NAV3: variants seen among roughly 807,000 people sequenced by gnomAD.
NAV3 encodes pore membrane and/or filament interacting like protein 1.
Under a neutral mutation model 244.7 loss-of-function variants are expected in NAV3, and 87 were observed. The observed-to-expected ratio is 0.36, with a 90% CI of 0.30 to 0.42. The LOEUF (loss-of-function observed/expected upper bound fraction) is 0.42. NAV3 is among the 20% of genes least tolerant of loss of function. NAV3 has a pLI of 1.00. For missense variants in NAV3, 2,663 were observed against 2,893.3 expected, an observed-to-expected ratio of 0.92 and a Z score of 1.83; for synonymous variants, 1,126 against 1,042.2, an observed-to-expected ratio of 1.08 and a Z score of -1.55.
intron 4 of NAV3, among the ~76,000 whole-genome samples, chr12:77,967,623 T>TA (rs1187108260): frequency 6.6e-6 from 1 of 152,174 alleles, no homozygotes; most frequent in Non-Finnish European, 1.5e-5. Flanking sequence ...TTATTTAAAA[T>TA]ATGATTACAG....
chr12:77,642,387 T>C (rs1872453196), intron 2 of NAV3, among the ~76,000 whole-genome samples: 1 of 152,136 alleles, frequency 6.6e-6, no homozygotes, highest in Admixed American at 6.6e-5. Context: ...CCACATGGGC[T>C]TTCCTGTTAT....
At chr12:78,051,386 T>C (rs1406673345) in intron 11 of NAV3, among the ~76,000 whole-genome samples, 1 of 152,216 alleles carries the variant, frequency 6.6e-6, no homozygotes, top group African/African-American at 2.4e-5. Context: ...GAGAAACACA[T>C]GTGGCTTCTG....
intron 2 of NAV3, among the ~76,000 whole-genome samples, chr12:77,735,650 TA>T (rs1003748013): frequency 3.9e-5 from 6 of 152,110 alleles, no homozygotes; most frequent in Admixed American, 6.5e-5. Context: ...ACTATGATCA[TA>T]AAAAAATGAT....
At chr12:78,072,899 T>C (rs1246919062) in intron 12 of NAV3, among the ~76,000 whole-genome samples, 1 of 129,752 alleles carries the variant, frequency 7.7e-6, no homozygotes, top group Non-Finnish European at 1.7e-5. Flanking sequence ...AATCAATAAA[T>C]GTAATCCAGC....
chr12:78,118,340 TTTA>T, intron 14 of NAV3, 43 bp downstream of exon 14: 1 of 1,545,366 alleles, frequency 6.5e-7, no homozygotes, highest in Non-Finnish European at 8.7e-7. Flanking sequence ...AGTGCTTTAC[TTTA>T]TTGTTTCCAT....
intron 20 of NAV3, chr12:78,144,936 A>C (rs1465808746): frequency 5.3e-5 from 4 of 75,576 alleles, no homozygotes; most frequent in African/African-American, 1.9e-4. Flanking sequence ...AAAAAAAAAA[A>C]AAAAAAAAAA....
chr12:77,639,391 G>A (rs151307221), intron 2 of NAV3, among the ~76,000 whole-genome samples: 172 of 152,118 alleles, frequency 1.1e-3, no homozygotes, highest in Non-Finnish European at 2.0e-3. Flanking sequence ...TTAATTTATT[G>A]AGCACATTTT....
At chr12:77,929,566 T>C (rs1249228927) in intron 1 of NAV3, among the ~76,000 whole-genome samples, 1 of 152,174 alleles carries the variant, frequency 6.6e-6, no homozygotes, top group African/African-American at 2.4e-5. Flanking sequence ...CCCACACCTT[T>C]GGTTTTCTGT....
At chr12:77,873,773 T>TATATATAGATATATAA (rs762527287) in intron 1 of NAV3, among the ~76,000 whole-genome samples, 1 of 128,624 alleles carries the variant, frequency 7.8e-6, no homozygotes, top group African/African-American at 2.9e-5. Flanking sequence ...TATATGTATA[T>TATATATAGATATATAA]AACAGCATAT....
chr12:77,960,452 C>T (rs10777593), intron 3 of NAV3, among the ~76,000 whole-genome samples: 873 of 20,876 alleles, frequency 0.042, 6 homozygotes, highest in African/African-American at 0.13. Context: ...TATATATATA[C>T]ACACACACAC....
intron 23 of NAV3, among the ~76,000 whole-genome samples, chr12:78,168,237 A>G (rs1044362737): frequency 2.6e-5 from 4 of 151,762 alleles, no homozygotes; most frequent in African/African-American, 9.7e-5. Context: ...TTTAATAGGA[A>G]TTAGGGGTAA....
In NAV3 at chr12:77,940,874, AT is replaced by A. The variant is rs369996006; in HGVS notation, c.362-196del. On this transcript the variant is annotated intron_variant, in intron 2 of 39. Coordinates refer to ENST00000397909, the MANE Select transcript of NAV3 (RefSeq NM_001024383.2). ...ATTAGCAGCAACTTCCTTCTCACTC[AT>A]TTTTTTTTTTGCCTGATTTGTGCAT... Among the ~76,000 whole-genome samples the A allele has an allele frequency of 6.4e-3, 920 of 144,386 alleles. 7 individuals carry two copies. The highest frequency in any genetic ancestry group is 0.021 in the African/African-American group (821 of 39,612). The allele number at this position is 144,386 out of a possible 152,430, so 94.7% of individuals were successfully genotyped here.
chr12:77,911,852 C>A (rs1380307752), intron 1 of NAV3, among the ~76,000 whole-genome samples: 1 of 150,694 alleles, frequency 6.6e-6, no homozygotes, highest in Non-Finnish European at 1.5e-5. Context: ...ATTCTTATAC[C>A]ACTGATCATA....
At chr12:77,775,537 A>G (rs1041311889) in intron 2 of NAV3, among the ~76,000 whole-genome samples, 7 of 152,270 alleles carry the variant, frequency 4.6e-5, no homozygotes, top group Admixed American at 2.6e-4. Flanking sequence ...TTCTGGTGTT[A>G]TCTTATCCTT....
At chr12:78,081,540 A>G (rs939658065) in intron 12 of NAV3, among the ~76,000 whole-genome samples, 10 of 152,168 alleles carry the variant, frequency 6.6e-5, no homozygotes, top group Non-Finnish European at 1.0e-4. Flanking sequence ...AGTCTCTTGC[A>G]GGCTGTCACC....
intron 1 of NAV3, among the ~76,000 whole-genome samples, chr12:77,870,018 C>T (rs1352567625): frequency 6.6e-6 from 1 of 152,008 alleles, no homozygotes; most frequent in Non-Finnish European, 1.5e-5. Flanking sequence ...ACAAAATTTA[C>T]CAAGGAATTA....
intron 13 of NAV3, 129 bp from the exon 14 acceptor site, chr12:78,117,898 T>C: frequency 1.1e-6 from 1 of 922,658 alleles, no homozygotes; most frequent in Non-Finnish European, 1.5e-6. Flanking sequence ...ATTAATAAAA[T>C]GTAAGTGAAG....
At chr12:77,791,932 A>G (rs992873927) in intron 2 of NAV3, among the ~76,000 whole-genome samples, 2 of 152,210 alleles carry the variant, frequency 1.3e-5, no homozygotes, top group African/African-American at 2.4e-5. Context: ...TTAATACTAC[A>G]TCATTTTATA....
intron 18 of NAV3, among the ~76,000 whole-genome samples, chr12:78,136,503 T>A (rs945186324): frequency 6.6e-6 from 1 of 152,114 alleles, no homozygotes; most frequent in Non-Finnish European, 1.5e-5. Flanking sequence ...AAATATAACA[T>A]GTTTGTGACT....
Sources: allele counts gnomAD v4.1 joint callset (sites outside exome capture counted in the v4.1 genomes callset), GRCh38; gene constraint gnomAD v4.1.1; transcripts MANE v1.5; gene names NCBI Gene and HGNC (gene_info 2026-07-23, HGNC 2026-07-21).